The following GLI3 variants were observed in gnomAD, a reference collection of about 807,000 sequenced individuals.
The protein encoded by GLI3 is transcription activator GLI3.
Under a neutral mutation model 100.8 loss-of-function variants are expected in GLI3, and 20 were observed. The observed-to-expected ratio is 0.20, with a 90% CI of 0.14 to 0.29. GLI3 has a LOEUF of 0.29. Among genes scored for constraint, GLI3 ranks in the 10% least tolerant of loss-of-function variants. The pLI, the probability that GLI3 is intolerant of heterozygous loss-of-function variation, is 1.00. For missense variants in GLI3, 2,040 were observed against 2,128.5 expected (o/e 0.96, Z 0.82); for synonymous variants, 938 against 860.5 (o/e 1.09, Z -1.58).
intron 3 of GLI3, among the ~76,000 whole-genome samples, chr7:42,094,033 G>GGA: frequency 6.6e-6 from 1 of 152,134 alleles, no homozygotes; most frequent in East Asian, 1.9e-4. Context: ...AAGTCAAGCA[G>GGA]GAGATGAGGA....
rs747875277 is a variant in GLI3 at position 41,965,951 on chromosome 7, T to C, written c.3122A>G (p.Lys1041Arg). Reference sequence around the variant, plus strand: ...GTAATTCTGAAGCACGAGACTGCGCTTCTCCGCGGACGTGGCCATCGCCGG... The same window carrying C: ...GTAATTCTGAAGCACGAGACTGCGCCTCTCCGCGGACGTGGCCATCGCCGG... ...NPPAMATSAE[K>R]RSLVLQNYTR... The change falls in exon 15 of 15, where the codon AAG (lysine) becomes AGG (arginine). Residue 1041 changes from lysine to arginine, a missense_variant. This residue lies in a region of GLI3 where 1,041 missense variants were observed against 924.0 expected (regional missense o/e 1.13). Coordinates refer to ENST00000395925, the MANE Select transcript of GLI3 (RefSeq NM_000168.6). 5.6e-6 allele frequency: 9 copies of C among 1,611,542 alleles called. No individual in the cohort carries two copies. The Admixed American group carries it at 1.5e-4, about 27-fold the overall frequency.
At chr7:42,017,944 C>G (rs867409383) in intron 10 of GLI3, among the ~76,000 whole-genome samples, 2 of 152,298 alleles carry the variant, frequency 1.3e-5, no homozygotes, top group African/African-American at 4.8e-5. Context: ...CGTTTATTTT[C>G]ATGGCTGTTT....
intron 3 of GLI3, among the ~76,000 whole-genome samples, chr7:42,081,352 C>T (rs983653009): frequency 1.3e-5 from 2 of 152,150 alleles, no homozygotes; most frequent in African/African-American, 4.8e-5. Context: ...CTATTGTACC[C>T]GAGTCCTCTT....
chr7:41,973,570 A>G (rs923509778), intron 12 of GLI3, among the ~76,000 whole-genome samples: 2 of 152,200 alleles, frequency 1.3e-5, no homozygotes, highest in Non-Finnish European at 2.9e-5. Flanking sequence ...ACTTGGCTTA[A>G]AATATAATAT....
chr7:42,092,830 T>C (rs1038242226), intron 3 of GLI3, among the ~76,000 whole-genome samples: 1 of 146,558 alleles, frequency 6.8e-6, no homozygotes, highest in African/African-American at 2.5e-5. Flanking sequence ...TATGTATTTA[T>C]AGAGACGGAG....
intron 11 of GLI3, chr7:41,977,942 T>TC: frequency 5.3e-6 from 1 of 189,606 alleles, no homozygotes. Flanking sequence ...AGTCCTGAAG[T>TC]TTTTTTTTTT....
chr7:42,152,013 C>T (rs986761534), intron 2 of GLI3: 4 of 152,158 alleles, frequency 2.6e-5, no homozygotes, highest in South Asian at 2.1e-4. Context: ...CACTTGTGGG[C>T]GCTTGCAGAC....
At chr7:42,186,084 G>T (rs529445830) in intron 2 of GLI3, among the ~76,000 whole-genome samples, 3 of 152,260 alleles carry the variant, frequency 2.0e-5, no homozygotes, top group South Asian at 2.1e-4. Flanking sequence ...CAGCATATGA[G>T]AACCAAATAG....
chr7:42,220,811 AT>A (rs1788471534), intron 2 of GLI3, among the ~76,000 whole-genome samples: 1 of 152,110 alleles, frequency 6.6e-6, no homozygotes, highest in Non-Finnish European at 1.5e-5. Flanking sequence ...CACCACTTCC[AT>A]TTTTCTTTTA....
intron 3 of GLI3, among the ~76,000 whole-genome samples, chr7:42,101,051 T>C (rs1438769283): frequency 2.0e-5 from 3 of 152,288 alleles, no homozygotes; most frequent in East Asian, 3.9e-4. Flanking sequence ...CAATTTTGTT[T>C]TGGGAAGGCC....
intron 6 of GLI3, among the ~76,000 whole-genome samples, chr7:42,045,134 G>A (rs962397382): frequency 2.0e-5 from 3 of 151,960 alleles, no homozygotes; most frequent in East Asian, 3.9e-4. Context: ...TTTATATATC[G>A]CTGTCAATTA....
At position 42,022,611 on chromosome 7, in the gene GLI3, T is replaced by G. The variant is rs568240172; in HGVS notation, c.1497+857A>C. Among the ~76,000 whole-genome samples, 7 of 152,358 alleles carry G rather than the reference T, an allele frequency of 4.6e-5. No individual in the cohort carries two copies. In the South Asian group the frequency reaches 1.5e-3, roughly 32 times the overall value. Reference sequence around the variant, plus strand: ...ATGCCTCAACAAGACCCTGTGCTTCTGCCAGGAGTTGTAGCACCTGCATCT... The same window carrying G: ...ATGCCTCAACAAGACCCTGTGCTTCGGCCAGGAGTTGTAGCACCTGCATCT... On this transcript the variant is annotated intron_variant, in intron 10 of 14. Transcript: ENST00000395925.
At chr7:42,215,112 G>A (rs577967102) in intron 2 of GLI3, among the ~76,000 whole-genome samples, 26 of 152,022 alleles carry the variant, frequency 1.7e-4, no homozygotes, top group African/African-American at 6.3e-4. Flanking sequence ...TATCATTACT[G>A]GGGACTCACA....
intron 6 of GLI3, among the ~76,000 whole-genome samples, chr7:42,042,125 G>T (rs2128739641): frequency 6.7e-6 from 1 of 149,428 alleles, no homozygotes; most frequent in South Asian, 2.1e-4. Flanking sequence ...CGATTCTTCT[G>T]CCTTAGCCTC....
intron 3 of GLI3, among the ~76,000 whole-genome samples, chr7:42,094,091 A>G (rs1396387089): frequency 6.6e-6 from 1 of 152,164 alleles, no homozygotes; most frequent in Non-Finnish European, 1.5e-5. Flanking sequence ...AAGTTTCAGG[A>G]AGGAGTCACA....
chr7:42,191,203 T>A (rs1787819368), intron 2 of GLI3, among the ~76,000 whole-genome samples: 1 of 152,116 alleles, frequency 6.6e-6, no homozygotes, highest in Non-Finnish European at 1.5e-5. Context: ...GCACAGAAGA[T>A]GTAACAGAAA....
intron 4 of GLI3, among the ~76,000 whole-genome samples, chr7:42,059,968 A>G (rs1784535633): frequency 6.6e-6 from 1 of 152,212 alleles, no homozygotes. Context: ...GGAAGTGTGC[A>G]TTCAGTAAGC....
chr7:41,987,264 G>C (rs1214428338), intron 10 of GLI3, among the ~76,000 whole-genome samples: 1 of 152,060 alleles, frequency 6.6e-6, no homozygotes, highest in Non-Finnish European at 1.5e-5. Flanking sequence ...CACCTCCCGA[G>C]TTCAAGTGAT....
intron 3 of GLI3, among the ~76,000 whole-genome samples, chr7:42,092,745 C>T (rs376650750): frequency 1.1e-4 from 17 of 152,244 alleles, no homozygotes; most frequent in African/African-American, 3.9e-4. Flanking sequence ...CCTATCCATC[C>T]AGGGCACAGG....
Sources: gnomAD v4.1 joint callset for allele counts (sites outside exome capture counted in the v4.1 genomes callset) on GRCh38, gnomAD v4.1.1 for gene constraint, gnomAD v4.1.1 regional missense constraint, MANE v1.5 for transcripts, NCBI Gene and HGNC (gene_info 2026-07-23, HGNC 2026-07-21) for gene names.